ZSWIM6: variants seen among roughly 807,000 people sequenced by gnomAD.
The protein encoded by ZSWIM6 is zinc finger SWIM-type containing 6.
A neutral mutation model predicts 113.2 loss-of-function variants in ZSWIM6; 9 were observed. The observed-to-expected ratio is 0.08, with a 90% confidence interval of 0.05 to 0.14. The LOEUF is 0.14. Ranked by LOEUF, ZSWIM6 falls within the 10% of genes least tolerant of loss-of-function variation. The pLI is 1.00. For synonymous variants in ZSWIM6, 611 were observed against 606.5 expected (o/e 1.01, Z -0.11); for missense variants, 1,162 against 1,552.2 (o/e 0.75, Z 4.22).
chr5:61,480,747 GAC>G (rs1187180065), intron 2 of ZSWIM6, among the ~76,000 whole-genome samples: 1 of 152,142 alleles, frequency 6.6e-6, no homozygotes, highest in Non-Finnish European at 1.5e-5. Flanking sequence ...TGTAAAGAAA[GAC>G]ATTTTTTTGA....
At chr5:61,376,845 G>T (rs1745382675) in intron 1 of ZSWIM6, among the ~76,000 whole-genome samples, 1 of 147,298 alleles carries the variant, frequency 6.8e-6, no homozygotes, top group Non-Finnish European at 1.5e-5. Context: ...CCTCACTCTT[G>T]CTGTCTTAAG....
At chr5:61,474,544 ATGT>A (rs983601915) in intron 2 of ZSWIM6, among the ~76,000 whole-genome samples, 26 of 152,196 alleles carry the variant, frequency 1.7e-4, no homozygotes, top group African/African-American at 5.5e-4. Context: ...TTCAAGAAAA[ATGT>A]TGTTATTTTA....
chr5:61,521,558 A>G (rs980289344), intron 5 of ZSWIM6, 116 bp downstream of exon 5: 5 of 742,772 alleles, frequency 6.7e-6, no homozygotes, highest in Admixed American at 4.3e-5. Context: ...AGAACTTACA[A>G]CTCCAGTACT....
intron 1 of ZSWIM6, among the ~76,000 whole-genome samples, chr5:61,449,414 G>A (rs1191461244): frequency 2.0e-5 from 3 of 152,024 alleles, no homozygotes; most frequent in Non-Finnish European, 2.9e-5. Flanking sequence ...TTATTGTTTA[G>A]GGATGGGGTC....
chr5:61,391,548 C>T, intron 1 of ZSWIM6: 2 of 979,520 alleles, frequency 2.0e-6, no homozygotes, highest in South Asian at 1.3e-5. Context: ...CGCTGATGTG[C>T]TCAGCGAAGA....
At chr5:61,354,856 C>T (rs2112044072) in intron 1 of ZSWIM6, among the ~76,000 whole-genome samples, 1 of 152,246 alleles carries the variant, frequency 6.6e-6, no homozygotes, top group African/African-American at 2.4e-5. Context: ...ATATTCCATT[C>T]TTAGACTGCA....
intron 1 of ZSWIM6, among the ~76,000 whole-genome samples, chr5:61,413,211 C>A (rs1746181640): frequency 7.4e-6 from 1 of 134,262 alleles, no homozygotes; most frequent in Non-Finnish European, 1.6e-5. Flanking sequence ...TGTGATGTTC[C>A]CCTTCCTGTG....
chr5:61,375,426 A>T (rs1745352626), intron 1 of ZSWIM6: 2 of 1,513,082 alleles, frequency 1.3e-6, no homozygotes, highest in Admixed American at 1.9e-5. Context: ...GTAGGTATTC[A>T]TCTTCTTCTT....
chr5:61,463,973 G>A (rs953815110), intron 1 of ZSWIM6, among the ~76,000 whole-genome samples: 5 of 151,736 alleles, frequency 3.3e-5, no homozygotes, highest in Admixed American at 3.3e-4. Flanking sequence ...CTGTTAGTTT[G>A]CCTCTCCTTC....
At chr5:61,422,324 G>A (rs1190596999) in intron 1 of ZSWIM6, among the ~76,000 whole-genome samples, 1 of 152,182 alleles carries the variant, frequency 6.6e-6, no homozygotes, top group Non-Finnish European at 1.5e-5. Context: ...TGAAGAGACT[G>A]TCCTTTTCCC....
intron 1 of ZSWIM6, among the ~76,000 whole-genome samples, chr5:61,368,541 C>T (rs1223957349): frequency 6.6e-6 from 1 of 152,130 alleles, no homozygotes; most frequent in Non-Finnish European, 1.5e-5. Context: ...TATGTTAGCC[C>T]TTGAATTTTT....
intron 1 of ZSWIM6, among the ~76,000 whole-genome samples, chr5:61,350,637 C>G (rs1479267007): frequency 6.6e-6 from 1 of 152,122 alleles, no homozygotes; most frequent in African/African-American, 2.4e-5. Flanking sequence ...TTGTTGTTCA[C>G]AGGTACTGCT....
chr5:61,504,892 T>A (rs1748559217), intron 4 of ZSWIM6, among the ~76,000 whole-genome samples: 1 of 152,142 alleles, frequency 6.6e-6, no homozygotes, highest in Non-Finnish European at 1.5e-5. Flanking sequence ...GAGCTTACAG[T>A]CTAGTCAGGA....
chr5:61,444,040 G>A (rs150616936), intron 1 of ZSWIM6, among the ~76,000 whole-genome samples: 2,482 of 151,600 alleles, frequency 0.016, 27 homozygotes, highest in Non-Finnish European at 0.026. Flanking sequence ...TTGGTGTGCT[G>A]TACCCATTAA....
At position 61,508,237 on chromosome 5, in the gene ZSWIM6, C is replaced by A. The variant is rs117005843; in HGVS notation, c.1334-13026C>A. ...CCACTCACTTTTAGAAGTATGTTAGCGGAATTAAGTGGAGCAATCTTTGCA... is the reference window on the plus strand; with the variant it reads ...CCACTCACTTTTAGAAGTATGTTAGAGGAATTAAGTGGAGCAATCTTTGCA... On this transcript the variant is annotated intron_variant, in intron 4 of 13. Coordinates refer to ENST00000252744, the MANE Select transcript of ZSWIM6 (RefSeq NM_020928.2). 7.2e-5 allele frequency among the ~76,000 whole-genome samples: 11 copies of A among 151,800 alleles called. No homozygotes were observed. The East Asian group carries it at 2.1e-3, about 29-fold the overall frequency.
intron 2 of ZSWIM6, among the ~76,000 whole-genome samples, chr5:61,483,685 G>C (rs1199500762): frequency 6.7e-6 from 1 of 148,596 alleles, no homozygotes; most frequent in Non-Finnish European, 1.5e-5. Context: ...TAGCTAACAG[G>C]ATGAAACCCC....
chr5:61,471,818 G>A (rs1747579704), intron 1 of ZSWIM6, among the ~76,000 whole-genome samples: 2 of 152,100 alleles, frequency 1.3e-5, no homozygotes. Context: ...CTGGTCCCTG[G>A]TGCGAAAAAG....
chr5:61,519,768 C>A (rs1317507418), intron 4 of ZSWIM6, among the ~76,000 whole-genome samples: 2 of 152,124 alleles, frequency 1.3e-5, no homozygotes, highest in Admixed American at 6.6e-5. Context: ...CAGTCCCCAA[C>A]CTTTTTGGCA....
chr5:61,466,867 G>C (rs1174048584), intron 1 of ZSWIM6, among the ~76,000 whole-genome samples: 1 of 152,052 alleles, frequency 6.6e-6, no homozygotes, highest in East Asian at 1.9e-4. Context: ...AATATGTTAA[G>C]AAAAGCTTAA....
Sources: allele counts gnomAD v4.1 joint callset (sites outside exome capture counted in the v4.1 genomes callset), GRCh38; gene constraint gnomAD v4.1.1; transcripts MANE v1.5; gene names NCBI Gene and HGNC (gene_info 2026-07-23, HGNC 2026-07-21).